Variants in STX8 observed in about 807,000 individuals in gnomAD.
STX8 encodes syntaxin-8.
STX8 carries 23 observed loss-of-function variants against 37.5 expected under a neutral mutation model. The ratio of observed to expected loss-of-function variants is 0.61; its 90% CI spans 0.44 to 0.87. STX8 has a LOEUF of 0.87. STX8 is among the 40% of genes least tolerant of loss of function. The pLI, the probability that STX8 is intolerant of heterozygous loss-of-function variation, is 0.00. For missense variants in STX8, 313 were observed against 284.7 expected (o/e 1.10, Z -0.71); for synonymous variants, 115 against 99.1 (o/e 1.16, Z -0.95).
intron 6 of STX8, among the ~76,000 whole-genome samples, chr17:9,483,298 C>T (rs575377426): frequency 3.5e-4 from 53 of 152,122 alleles, no homozygotes; most frequent in Non-Finnish European, 6.5e-4. Flanking sequence ...GAGTCAGCAG[C>T]GTAGCATCCT....
At chr17:9,528,929 AAG>A (rs1189554122) in intron 4 of STX8, among the ~76,000 whole-genome samples, 1 of 152,070 alleles carries the variant, frequency 6.6e-6, no homozygotes, top group Non-Finnish European at 1.5e-5. Context: ...AAGAAGGCGA[AAG>A]AGAGAGAAAG....
intron 6 of STX8, 45 bp downstream of exon 6, chr17:9,491,784 A>G: frequency 6.6e-7 from 1 of 1,509,376 alleles, no homozygotes; most frequent in Non-Finnish European, 9.2e-7. Context: ...AGCCTTTAGT[A>G]TTTATGTCAA....
At chr17:9,335,482 G>A (rs1228589662) in intron 7 of STX8, among the ~76,000 whole-genome samples, 2 of 152,012 alleles carry the variant, frequency 1.3e-5, no homozygotes, top group African/African-American at 2.4e-5. Context: ...CATCATAATG[G>A]CAATCAAATG....
At chr17:9,505,762 G>A (rs1904799250) in intron 4 of STX8, among the ~76,000 whole-genome samples, 1 of 151,956 alleles carries the variant, frequency 6.6e-6, no homozygotes, top group South Asian at 2.1e-4. Flanking sequence ...CCAACATGAT[G>A]AAACCCTGTC....
chr17:9,551,355 A>G (rs1193747369), intron 3 of STX8, among the ~76,000 whole-genome samples: 1 of 152,232 alleles, frequency 6.6e-6, no homozygotes, highest in East Asian at 1.9e-4. Flanking sequence ...GAGTTTTGAC[A>G]TAACCATCAT....
At position 9,536,895 on chromosome 17, in the gene STX8, C is replaced by T. The variant is rs146385728; in HGVS notation, c.323+8277G>A. On this transcript the variant is annotated intron_variant, in intron 4 of 7. Coordinates refer to ENST00000306357, the MANE Select transcript of STX8 (RefSeq NM_004853.3). ...AATAGCTGGGATTACAAGCGCCCGC[C>T]ACCATGCCCGGCTAATTTTTTTTAT... 8.2e-3 allele frequency among the ~76,000 whole-genome samples: 1,248 copies of T among 152,230 alleles called. 23 individuals are homozygous for T. Among genetic ancestry groups the T allele is most frequent in the African/African-American group, 0.028 (1,159 of 41,536 alleles).
At chr17:9,433,961 G>A (rs879226312) in intron 6 of STX8, among the ~76,000 whole-genome samples, 3 of 152,140 alleles carry the variant, frequency 2.0e-5, no homozygotes, top group Admixed American at 6.5e-5. Flanking sequence ...TGCAGCTACA[G>A]AAGAGATGAT....
intron 7 of STX8, among the ~76,000 whole-genome samples, chr17:9,263,404 G>T (rs1394911954): frequency 1.3e-5 from 2 of 150,628 alleles, no homozygotes; most frequent in Non-Finnish European, 3.0e-5. Context: ...GCTTGAACCT[G>T]GGAGGCGGAG....
chr17:9,563,134 GTCAT>G (rs1404554862), intron 2 of STX8, among the ~76,000 whole-genome samples: 1 of 151,086 alleles, frequency 6.6e-6, no homozygotes, highest in South Asian at 2.1e-4. Context: ...AAGAGTATCT[GTCAT>G]TCATTCATTC....
At chr17:9,350,520 T>C (rs1056518499) in intron 7 of STX8, among the ~76,000 whole-genome samples, 1 of 147,064 alleles carries the variant, frequency 6.8e-6, no homozygotes, top group Non-Finnish European at 1.5e-5. Flanking sequence ...ACTAAAGTGT[T>C]TTTTTTTTTG....
intron 6 of STX8, among the ~76,000 whole-genome samples, chr17:9,484,635 GTGAA>G (rs1352264147): frequency 6.9e-6 from 1 of 145,420 alleles, no homozygotes; most frequent in Non-Finnish European, 1.5e-5. Flanking sequence ...GGGCAACATG[GTGAA>G]ACCCTGTCTC....
intron 7 of STX8, among the ~76,000 whole-genome samples, chr17:9,294,460 T>A (rs535692728): frequency 6.6e-6 from 1 of 152,222 alleles, no homozygotes; most frequent in East Asian, 1.9e-4. Flanking sequence ...CAGCTCTGAG[T>A]GAGGGTGGAA....
chr17:9,348,477 T>C (rs572980042), intron 7 of STX8, among the ~76,000 whole-genome samples: 1 of 150,488 alleles, frequency 6.6e-6, no homozygotes, highest in Non-Finnish European at 1.5e-5. Flanking sequence ...AAACCATTCA[T>C]AATCTAATAA....
intron 4 of STX8, among the ~76,000 whole-genome samples, chr17:9,544,191 G>A (rs972638748): frequency 6.6e-6 from 1 of 152,212 alleles, no homozygotes; most frequent in African/African-American, 2.4e-5. Flanking sequence ...ACCCTAGCGT[G>A]GAAGATGAGG....
intron 3 of STX8, among the ~76,000 whole-genome samples, chr17:9,551,313 G>C (rs181901487): frequency 6.6e-6 from 1 of 152,226 alleles, no homozygotes; most frequent in East Asian, 1.9e-4. Flanking sequence ...ATCACATTTT[G>C]CAAGTACTAT....
chr17:9,377,761 C>G (rs986969310), intron 7 of STX8: 1 of 152,154 alleles, frequency 6.6e-6, no homozygotes, highest in African/African-American at 2.4e-5. Flanking sequence ...CTGCAGGTGG[C>G]CTGTGATTCT....
intron 7 of STX8, among the ~76,000 whole-genome samples, chr17:9,296,006 C>T (rs1041014847): frequency 1.4e-4 from 22 of 151,726 alleles, no homozygotes; most frequent in Admixed American, 5.3e-4. Context: ...CTGGCTAACA[C>T]GGTGAAACCC....
chr17:9,250,752 C>T, intron 7 of STX8, 107 bp from the exon 8 acceptor site: 1 of 1,199,922 alleles, frequency 8.3e-7, no homozygotes, highest in Non-Finnish European at 1.2e-6. Flanking sequence ...CCCTCTGAGC[C>T]TTCAGTTTGT....
intron 3 of STX8, among the ~76,000 whole-genome samples, chr17:9,549,847 T>C (rs542736569): frequency 1.3e-5 from 2 of 152,128 alleles, no homozygotes; most frequent in South Asian, 4.2e-4. Context: ...ATACAGCATG[T>C]ATGTGGACAG....
Sources: allele counts gnomAD v4.1 joint callset (sites outside exome capture counted in the v4.1 genomes callset), GRCh38; gene constraint gnomAD v4.1.1; transcripts MANE v1.5; gene names NCBI Gene and HGNC (gene_info 2026-07-23, HGNC 2026-07-21).